Variants in SEMA4G observed in about 807,000 individuals in gnomAD.
The protein encoded by SEMA4G is semaphorin 4G, also known as semaphorin-4G.
Under a neutral mutation model 81.2 loss-of-function variants are expected in SEMA4G, and 59 were observed. That is an observed-to-expected ratio of 0.73 (90% CI 0.59 to 0.90). The LOEUF (loss-of-function observed/expected upper bound fraction) is 0.90. SEMA4G is among the 40% of genes least tolerant of loss of function. The probability of loss-of-function intolerance (pLI) is 0.00; values close to 1 mark genes in which losing one functional copy is unlikely to be tolerated. For missense variants in SEMA4G, 952 were observed against 1,102.3 expected (o/e 0.86, Z 1.93); for synonymous variants, 404 against 433.9 (o/e 0.93, Z 0.86).
chr10:100,978,043 CTCAGATGTTCT>C, intron 4 of SEMA4G: 1 of 574,750 alleles, frequency 1.7e-6, no homozygotes, highest in Non-Finnish European at 3.1e-6. Flanking sequence ...GGGCTAGGGG[CTCAGATGTTCT>C]TCATAGATAA....
chr10:100,984,618 A>G (rs1242453332), exon 14 of SEMA4G: 7 of 1,536,122 alleles, frequency 4.6e-6, no homozygotes, highest in South Asian at 1.2e-5. Context: ...ACATGCACAC[A>G]TGGAAGAATG....
chr10:100,981,105 C>T (rs1233850411), intron 12 of SEMA4G, 63 bp from the exon 14 acceptor site: 3 of 1,609,234 alleles, frequency 1.9e-6, no homozygotes, highest in African/African-American at 1.3e-5. Context: ...GACCTATCTA[C>T]CCTTTCACTG....
chr10:100,970,398 T>C (rs560085024), upstream of SEMA4G, among the ~76,000 whole-genome samples: 9 of 146,902 alleles, frequency 6.1e-5, no homozygotes, highest in Non-Finnish European at 1.0e-4. Flanking sequence ...GGTGGAGGAG[T>C]ACTAAATTAT....
exon 14 of SEMA4G, chr10:100,983,786 G>C (rs138067900): frequency 6.2e-7 from 1 of 1,607,440 alleles, no homozygotes; most frequent in Admixed American, 1.7e-5. Context: ...GAGGATCTGC[G>C]GTGCAACTGC....
At chr10:100,971,828 G>A (rs1007342941), upstream of SEMA4G, among the ~76,000 whole-genome samples, 11 of 152,148 alleles carry the variant, frequency 7.2e-5, no homozygotes, top group East Asian at 5.8e-4. Flanking sequence ...CCTTCTTCAC[G>A]TTGCTTATGT....
exon 7 of SEMA4G, chr10:100,978,916 G>A (rs1037811860): frequency 1.9e-6 from 3 of 1,614,224 alleles, no homozygotes; most frequent in Non-Finnish European, 2.5e-6. Context: ...ATGATGACAA[G>A]GTGTACTACT....
At chr10:100,969,986 G>A (rs1158540092), upstream of SEMA4G, 15 of 427,888 alleles carry the variant, frequency 3.5e-5, no homozygotes, top group Non-Finnish European at 6.9e-5. Flanking sequence ...AGGGGGTCCC[G>A]GGGGAGGGGC....
In SEMA4G at chr10:100,980,802, CTG is replaced by C; in HGVS notation, c.1468-18_1468-17del. On this transcript the variant is annotated intron_variant, in intron 11 of 13. Coordinates refer to ENST00000370250, the Ensembl canonical transcript of SEMA4G. Reference sequence around the variant, plus strand: ...TATGAGTGGGGACGCTGCCGACCAACTGTCCTATCTGGCTCCCAGCACAGCCT... The same window carrying C: ...TATGAGTGGGGACGCTGCCGACCAACTCCTATCTGGCTCCCAGCACAGCCT... The C allele has an allele frequency of 6.5e-7, 1 of 1,533,552 alleles. No individual in the cohort carries two copies. Among genetic ancestry groups the C allele is most frequent in the Non-Finnish European group, 8.7e-7 (1 of 1,145,124 alleles). 95.0% of individuals were successfully genotyped at this position (1,533,552 alleles called of 1,614,324 possible).
At chr10:100,969,568 A>G (rs1212560086), upstream of SEMA4G, 2 of 194,580 alleles carry the variant, frequency 1.0e-5, no homozygotes, top group African/African-American at 4.9e-5. Context: ...CGCTGTCTCT[A>G]TGGCCCCGGA....
exon 4 of SEMA4G, chr10:100,977,632 A>T (rs1433192968): frequency 1.2e-6 from 2 of 1,613,828 alleles, no homozygotes. Flanking sequence ...CATCCCACAG[A>T]CGGAGTGCTT....
rs767433560 is a variant in SEMA4G at position 100,983,831 on chromosome 10, T to C, written c.2217T>C (p.Asp739=). 1.9e-6 allele frequency: 3 copies of C among 1,598,274 alleles called. No homozygotes were observed. The South Asian group carries it at 3.4e-5, about 18-fold the overall frequency. The change falls in exon 14 of 14, where the codon GAT becomes GAC. Residue 739 remains aspartate, a synonymous_variant. Transcript: ENST00000370250. ...CAGGCCAGTGTCCTGGAGAGGAAGATGAGGGTGATGATGAGGGGGCTGGGG... is the reference window on the plus strand; with the variant it reads ...CAGGCCAGTGTCCTGGAGAGGAAGACGAGGGTGATGATGAGGGGGCTGGGG...
intron 3 of SEMA4G, chr10:100,975,001 G>A: frequency 1.9e-6 from 1 of 533,114 alleles, no homozygotes; most frequent in South Asian, 1.4e-5. Flanking sequence ...AGGTGGGCCA[G>A]GGGTGGTGTT....
downstream of SEMA4G, chr10:100,985,026 T>C (rs541757083): frequency 3.9e-5 from 40 of 1,032,002 alleles, no homozygotes; most frequent in African/African-American, 5.7e-4. Flanking sequence ...CTGTTGGGTT[T>C]AGTCCGTGGA....
rs1439657511 is a variant in SEMA4G at position 100,978,625 on chromosome 10, A to G, written c.628A>G (p.Met210Val). 20 of 1,613,524 alleles carry G rather than the reference A, an allele frequency of 1.2e-5. No individual in the cohort carries two copies. The highest frequency in any genetic ancestry group is 6.7e-5 in the Admixed American group (4 of 60,014). ...CTCCCTGAGAACTGAGGAGACACCA[A>G]TGCATTGGCTCAATGGTTAGGAGGA... The change falls in exon 6 of 14, where the codon ATG becomes GTG. Residue 210 changes from methionine to valine, a missense_variant. Around this residue, in one of 3 missense-constraint regions of SEMA4G, gnomAD observed 436 missense variants for 488.2 expected, o/e 0.89. Transcript: ENST00000370250.
rs1253166327 is a variant in SEMA4G, at chr10:100,980,658, C to T, written c.1432C>T (p.Gln478Ter). 6.2e-7 allele frequency: 1 copy of T among 1,614,030 alleles called. No individual in the cohort carries two copies. The highest frequency in any genetic ancestry group is 8.5e-7 in the Non-Finnish European group (1 of 1,179,990). Residue 478 changes from glutamine (Q) to a stop codon, truncating the protein, a stop_gained, in exon 11 of 14, where the codon CAG (glutamine) becomes TAG (stop). Transcript: ENST00000370250. LOFTEE classifies it high-confidence loss of function. ...AGAGACACAAGTGTTCAGGGAGTCCCAGTCTGTGGAAAATCTAGTCATCTC... is the reference window on the plus strand; with the variant it reads ...AGAGACACAAGTGTTCAGGGAGTCCTAGTCTGTGGAAAATCTAGTCATCTC...
chr10:100,978,981 G>A, exon 7 of SEMA4G: 2 of 1,614,210 alleles, frequency 1.2e-6, no homozygotes, highest in Non-Finnish European at 1.7e-6. Context: ...CAGAGCCGCA[G>A]CAGTCACCGT....
At position 100,978,611 on chromosome 10, in the gene SEMA4G, CT is replaced by C. The variant is rs753223422; in HGVS notation, c.615del (p.Glu206ArgfsTer83). Reference sequence around the variant, plus strand: ...AGCCGCCACCCACACTCCCTGAGAACTGAGGAGACACCAATGCATTGGCTCA... The same window carrying C: ...AGCCGCCACCCACACTCCCTGAGAACGAGGAGACACCAATGCATTGGCTCA... On this transcript the variant is annotated frameshift_variant, in exon 6 of 14. Coordinates refer to ENST00000370250, the Ensembl canonical transcript of SEMA4G. LOFTEE classifies it high-confidence loss of function. 1 of 1,614,118 alleles carries C rather than the reference CT, an allele frequency of 6.2e-7. No individual in the cohort carries two copies. Among genetic ancestry groups the C allele is most frequent in the East Asian group, 2.2e-5 (1 of 44,888 alleles).
chr10:100,983,203 T>C lies in SEMA4G; in HGVS notation c.1691-102T>C, dbSNP rs116127309. 2.6e-4 allele frequency: 344 copies of C among 1,331,498 alleles called. 1 individual carries two copies. The African/African-American group carries it at 4.6e-3, about 18-fold the overall frequency. The allele number at this position is 1,331,498 out of a possible 1,614,324, so 82.5% of individuals were successfully genotyped here. On this transcript the variant is annotated intron_variant, in intron 13 of 13. Coordinates refer to ENST00000370250, the Ensembl canonical transcript of SEMA4G. ...GTCAGCTGTCACTGTGATTCTGGGT[T>C]CTGTGCTTGGTGCCAGGGACTTGGC...
chr10:100,983,954 C>T (rs765317734), exon 14 of SEMA4G: 2 of 1,561,190 alleles, frequency 1.3e-6, no homozygotes, highest in Admixed American at 1.8e-5. Flanking sequence ...TGACCAATGG[C>T]TTGGTGGCAC....
Sources: allele counts gnomAD v4.1 joint callset (sites outside exome capture counted in the v4.1 genomes callset), GRCh38; gene constraint gnomAD v4.1.1; regional missense constraint gnomAD v4.1.1; transcripts MANE v1.5; gene names NCBI Gene and HGNC (gene_info 2026-07-23, HGNC 2026-07-21).